Variants in PCDHA13 observed in about 807,000 individuals in gnomAD.
PCDHA13 encodes protocadherin alpha 13.
Under a neutral mutation model 64.8 loss-of-function variants are expected in PCDHA13, and 54 were observed. The observed-to-expected ratio is 0.83, with a 90% confidence interval of 0.67 to 1.04. The LOEUF (loss-of-function observed/expected upper bound fraction) is 1.04, where lower values mean the gene tolerates loss of function less well. Among genes scored for constraint, PCDHA13 ranks in the 50% least tolerant of loss-of-function variants. PCDHA13 has a pLI of 0.00. For missense variants in PCDHA13, 1,248 were observed against 1,254.3 expected, an observed-to-expected ratio of 0.99 and a Z score of 0.08; for synonymous variants, 587 against 564.4, an observed-to-expected ratio of 1.04 and a Z score of -0.57.
chr5:140,992,463 C>T (rs1416840803), intron 3 of PCDHA13, among the ~76,000 whole-genome samples: 1 of 152,162 alleles, frequency 6.6e-6, no homozygotes, highest in Non-Finnish European at 1.5e-5. Flanking sequence ...GAGGACAGTA[C>T]TCTTTAGATC....
chr5:140,905,170 G>A (rs1350085385), intron 1 of PCDHA13, among the ~76,000 whole-genome samples: 1 of 152,188 alleles, frequency 6.6e-6, no homozygotes, highest in Non-Finnish European at 1.5e-5. Context: ...ATGGTTTCAG[G>A]TTTTAGATTT....
intron 1 of PCDHA13, among the ~76,000 whole-genome samples, chr5:140,892,933 T>C (rs1323780846): frequency 6.6e-6 from 1 of 152,210 alleles, no homozygotes; most frequent in Non-Finnish European, 1.5e-5. Context: ...CAGCCTCTGA[T>C]AAGCACAATA....
At chr5:140,899,200 T>G (rs1554188457) in intron 1 of PCDHA13, among the ~76,000 whole-genome samples, 2 of 151,512 alleles carry the variant, frequency 1.3e-5, no homozygotes, top group Admixed American at 1.3e-4. Context: ...CCTGCCTAAT[T>G]GCCCTGGCCA....
intron 1 of PCDHA13, chr5:140,927,566 A>G: frequency 6.2e-7 from 1 of 1,614,168 alleles, no homozygotes; most frequent in Non-Finnish European, 8.5e-7. Flanking sequence ...ATTGTGGTGG[A>G]CACAAATGAC....
chr5:140,978,656 G>A (rs2096815434), intron 1 of PCDHA13, among the ~76,000 whole-genome samples: 1 of 152,248 alleles, frequency 6.6e-6, no homozygotes, highest in African/African-American at 2.4e-5. Flanking sequence ...TCTTCCCGTA[G>A]TGTTTTAAGA....
intron 1 of PCDHA13, chr5:140,966,887 G>A: frequency 6.3e-7 from 1 of 1,592,682 alleles, no homozygotes. Flanking sequence ...TGGCCCTGCG[G>A]CCTCCCAGCT....
rs574855184 is a variant in PCDHA13 at position 140,890,340 on chromosome 5, G to C, written c.2394+5678G>C. ...TTTAAGATATTAGGTAGTTGGGATG[G>C]TTTACTATATAGCAATGGATAACCT... On this transcript the variant is annotated intron_variant, in intron 1 of 3. Coordinates refer to ENST00000289272, the MANE Select transcript of PCDHA13 (RefSeq NM_018904.3). 9.1e-4 allele frequency among the ~76,000 whole-genome samples: 139 copies of C among 152,222 alleles called. 2 individuals are homozygous for C. The Middle Eastern group carries it at 0.017, about 19-fold the overall frequency.
At chr5:140,901,469 G>A (rs1056054450) in intron 1 of PCDHA13, among the ~76,000 whole-genome samples, 1 of 152,080 alleles carries the variant, frequency 6.6e-6, no homozygotes, top group African/African-American at 2.4e-5. Flanking sequence ...CTTTTCTCGA[G>A]TTTATGTTCT....
intron 1 of PCDHA13, among the ~76,000 whole-genome samples, chr5:140,912,783 A>G (rs1287611610): frequency 6.6e-6 from 1 of 152,166 alleles, no homozygotes; most frequent in African/African-American, 2.4e-5. Context: ...TGTCCCTTCT[A>G]TGCCAATTTT....
intron 1 of PCDHA13, chr5:140,967,251 C>T: frequency 6.2e-7 from 1 of 1,613,408 alleles, no homozygotes; most frequent in Non-Finnish European, 8.5e-7. Context: ...GAATCGGTGG[C>T]GCCTGGAGCG....
chr5:140,957,113 G>A (rs1554222808), intron 1 of PCDHA13, among the ~76,000 whole-genome samples: 2 of 152,086 alleles, frequency 1.3e-5, no homozygotes, highest in Admixed American at 6.6e-5. Flanking sequence ...ACATGATTCT[G>A]TGTGTTTCTT....
chr5:140,957,438 A>T (rs1554222966), intron 1 of PCDHA13, among the ~76,000 whole-genome samples: 1 of 152,216 alleles, frequency 6.6e-6, no homozygotes, highest in Non-Finnish European at 1.5e-5. Context: ...TGCCTAATTT[A>T]TAAATCACAC....
intron 3 of PCDHA13, among the ~76,000 whole-genome samples, chr5:140,986,619 C>T (rs1212565136): frequency 6.6e-6 from 1 of 152,134 alleles, no homozygotes; most frequent in Non-Finnish European, 1.5e-5. Flanking sequence ...CAGGCCTTAC[C>T]TAAGGCAACA....
rs782213205 is a variant in PCDHA13 at position 140,883,324 on chromosome 5, C to A, written c.1056C>A (p.Ile352=). The A allele has an allele frequency of 6.2e-7, 1 of 1,614,166 alleles. No homozygotes were observed. The highest frequency in any genetic ancestry group is 8.5e-7 in the Non-Finnish European group (1 of 1,180,032). Reference sequence around the variant, plus strand: ...ATGATAACGCCCCAGAGGTTACCATCACTTCTTTGTCACTCCCCATCAGAG... The same window carrying A: ...ATGATAACGCCCCAGAGGTTACCATAACTTCTTTGTCACTCCCCATCAGAG... The part of the protein sequence containing the change: ...DVNDNAPEVT[I]TSLSLPIRED... The change falls in exon 1 of 4, where the codon ATC becomes ATA. Residue 352 remains isoleucine (I), a synonymous_variant. Transcript: ENST00000289272.
intron 1 of PCDHA13, among the ~76,000 whole-genome samples, chr5:140,936,741 C>T (rs1234099505): frequency 3.3e-5 from 5 of 152,138 alleles, no homozygotes; most frequent in African/African-American, 1.2e-4. Flanking sequence ...AGTAACTTTT[C>T]ATTTGTATTG....
In PCDHA13 at chr5:140,883,434, T is replaced by G. The variant is rs2059607581; in HGVS notation, c.1166T>G (p.Leu389Trp). The change falls in exon 1 of 4, where the codon TTG becomes TGG. Residue 389 changes from leucine (L) to tryptophan (W), a missense_variant. Physicochemically the swap from Leu to Trp is moderately conservative, Grantham distance 61. Transcript: ENST00000289272. ...TCAAATGGACAGGTCACCTGCACCTTGACGCCGCATGTCCCCTTCAAGCTG... is the reference window on the plus strand; with the variant it reads ...TCAAATGGACAGGTCACCTGCACCTGGACGCCGCATGTCCCCTTCAAGCTG... ...SGSNGQVTCT[L>W]TPHVPFKLVS... The G allele has an allele frequency of 1.2e-6, 2 of 1,614,038 alleles. No homozygotes were observed. The highest frequency in any genetic ancestry group is 3.3e-5 in the Admixed American group (2 of 59,996).
chr5:140,983,704 A>T (rs1364816662), intron 3 of PCDHA13, among the ~76,000 whole-genome samples: 3 of 152,226 alleles, frequency 2.0e-5, no homozygotes, highest in Non-Finnish European at 4.4e-5. Flanking sequence ...AAATCCAAGT[A>T]TATCTAGCAC....
chr5:140,915,838 A>AG (rs1359061531), intron 1 of PCDHA13, among the ~76,000 whole-genome samples: 1 of 152,154 alleles, frequency 6.6e-6, no homozygotes, highest in Admixed American at 6.5e-5. Flanking sequence ...TAAGATCAGC[A>AG]GGGGGTGACA....
chr5:140,981,985 G>C (rs1554243637), intron 2 of PCDHA13, among the ~76,000 whole-genome samples: 1 of 152,162 alleles, frequency 6.6e-6, no homozygotes, highest in Non-Finnish European at 1.5e-5. Context: ...GAGTAAAATA[G>C]AAAATAAGGT....
Sources: allele counts gnomAD v4.1 joint callset (sites outside exome capture counted in the v4.1 genomes callset), GRCh38; gene constraint gnomAD v4.1.1; transcripts MANE v1.5; gene names NCBI Gene and HGNC (gene_info 2026-07-23, HGNC 2026-07-21).